DPY30: variants seen among roughly 807,000 people sequenced by gnomAD.
DPY30 encodes protein dpy-30 homolog.
Under a neutral mutation model 16.2 loss-of-function variants are expected in DPY30, and 6 were observed. That is an observed-to-expected ratio of 0.37 (90% CI 0.20 to 0.73). DPY30 has a LOEUF of 0.73. Among genes scored for constraint, DPY30 ranks in the 30% least tolerant of loss-of-function variants. DPY30 has a pLI of 0.51. For missense variants in DPY30, 73 were observed against 113.1 expected (o/e 0.65, Z 1.61); for synonymous variants, 39 against 38.8 (o/e 1.00, Z -0.02).
intron 3 of DPY30, among the ~76,000 whole-genome samples, chr2:32,036,607 C>T (rs1675749355): frequency 6.6e-6 from 1 of 150,446 alleles, no homozygotes; most frequent in South Asian, 2.1e-4. Flanking sequence ...GAAGGCGGAG[C>T]TTGCAGTGAG....
At chr2:32,027,222 C>CT (rs1675364741) in intron 4 of DPY30, among the ~76,000 whole-genome samples, 1 of 148,996 alleles carries the variant, frequency 6.7e-6, no homozygotes. Context: ...CTGCAGTGAC[C>CT]TGAGACTGTG....
downstream of DPY30, among the ~76,000 whole-genome samples, chr2:32,020,521 AAAGT>A (rs1293621884): frequency 6.6e-6 from 1 of 152,120 alleles, no homozygotes; most frequent in Non-Finnish European, 1.5e-5. Context: ...CTAAATAAAT[AAAGT>A]ATTAAAATTA....
In DPY30 at chr2:32,033,230, C is replaced by A. The variant is rs1315455361; in HGVS notation, c.85-3494G>T. Among the ~76,000 whole-genome samples, 11 of 151,854 alleles carry A rather than the reference C, an allele frequency of 7.2e-5. No homozygotes were observed. In the East Asian group the frequency reaches 2.1e-3, roughly 29 times the overall value. On this transcript the variant is annotated intron_variant, in intron 3 of 4. Transcript: ENST00000342166. ...GGCTGAGGCAGGAGAATTAATTGAA[C>A]CTGGGAGATGGAGGTTGCAGTGAGC...
chr2:32,019,880 ATATATG>A (rs1172620966), downstream of DPY30, among the ~76,000 whole-genome samples: 2 of 147,224 alleles, frequency 1.4e-5, no homozygotes, highest in African/African-American at 2.5e-5. Context: ...ATGTGTATAT[ATATATG>A]TATATGTGTG....
chr2:32,033,201 G>C (rs1227357737), intron 3 of DPY30, among the ~76,000 whole-genome samples: 2 of 151,278 alleles, frequency 1.3e-5, no homozygotes, highest in Non-Finnish European at 1.5e-5. Flanking sequence ...CCAGGCACTC[G>C]GGAGGCTGAG....
rs1675463623 is a variant in DPY30, at chr2:32,029,747, C to T, written c.85-11G>A. On this transcript the variant is annotated splice_polypyrimidine_tract_variant and intron_variant, in intron 3 of 4. Transcript: ENST00000342166. ...ATTTTCTACTATTCTCTAGTGAATT[C>T]AAAAAAACAGTGCATGAACATTTCA... is the stretch of plus-strand genomic sequence containing the variant. 3 of 1,610,578 alleles carry T rather than the reference C, an allele frequency of 1.9e-6. No homozygotes were observed. In the East Asian group the frequency reaches 6.7e-5, roughly 36 times the overall value.
At chr2:32,020,523 A>C (rs994840280), downstream of DPY30, among the ~76,000 whole-genome samples, 9 of 152,112 alleles carry the variant, frequency 5.9e-5, no homozygotes, top group African/African-American at 1.9e-4. Flanking sequence ...AAATAAATAA[A>C]GTATTAAAAT....
rs1477615432 is a variant in DPY30 at position 32,035,737 on chromosome 2, C to A, written c.84+3542G>T. 2.0e-5 allele frequency among the ~76,000 whole-genome samples: 3 copies of A among 151,520 alleles called. No homozygotes were observed. The East Asian group carries it at 5.8e-4, about 29-fold the overall frequency. On this transcript the variant is annotated intron_variant, in intron 3 of 4. Coordinates refer to ENST00000342166, the MANE Select transcript of DPY30 (RefSeq NM_001321209.2). ...TTACTTAAGGTCAGCAGTTTGAGAC[C>A]AGCCTGACAAACACTGTGAAACCCC...
At chr2:32,025,561 G>C (rs748388177) in intron 4 of DPY30, among the ~76,000 whole-genome samples, 4 of 150,668 alleles carry the variant, frequency 2.7e-5, no homozygotes, top group African/African-American at 4.9e-5. Context: ...AGGAGTTTGA[G>C]ACCAGCCTGG....
chr2:32,027,074 G>A (rs1415783704), intron 4 of DPY30, among the ~76,000 whole-genome samples: 3 of 150,908 alleles, frequency 2.0e-5, no homozygotes, highest in Non-Finnish European at 1.5e-5. Context: ...TCAGGAGTTA[G>A]AGACCAGCCT....
At chr2:32,012,332 T>C (rs1476277998) in intron 5 of DPY30, among the ~76,000 whole-genome samples, 1 of 151,520 alleles carries the variant, frequency 6.6e-6, no homozygotes, top group African/African-American at 2.4e-5. Context: ...TTACTCAAAT[T>C]TTACCCTCTC....
rs1572998504 is a variant in DPY30 at position 32,029,577 on chromosome 2, G to A, written c.227+17C>T. 2 of 1,609,838 alleles carry A rather than the reference G, an allele frequency of 1.2e-6. No individual in the cohort carries two copies. Among genetic ancestry groups the A allele is most frequent in the South Asian group, 1.1e-5 (1 of 90,696 alleles). ...TGCTTTCTTTACTAACTCCATTTGT[G>A]GACACAATTATCTTACCTTTCCTTT... On this transcript the variant is annotated intron_variant, in intron 4 of 4. Coordinates refer to ENST00000342166, the MANE Select transcript of DPY30 (RefSeq NM_001321209.2).
Position 32,031,179 on chromosome 2 carries a change from T to C in DPY30, c.85-1443A>G, listed in dbSNP as rs550264986. ...GGCTGACTCCTGTAAACCCAGCACT[T>C]TCGGAGGCCAAGGCACGCCGACCAT... On this transcript the variant is annotated intron_variant, in intron 3 of 4. Transcript: ENST00000342166. Among the ~76,000 whole-genome samples, 16 of 152,080 alleles carry C rather than the reference T, an allele frequency of 1.1e-4. No individual in the cohort carries two copies. In the East Asian group the frequency reaches 2.9e-3, roughly 28 times the overall value.
At position 32,039,461 on chromosome 2, in the gene DPY30, G is replaced by T; in HGVS notation, c.-5C>A. The stretch of plus-strand genomic sequence containing the variant: ...CAGCATCTGCTCTGGCTCCATGGCG[G>T]ACCCTGCAAGTCACAGTCCCCGGAT... On this transcript the variant is annotated 5_prime_UTR_variant, in exon 2 of 5. Coordinates refer to ENST00000342166, the MANE Select transcript of DPY30 (RefSeq NM_001321209.2). The T allele has an allele frequency of 1.9e-6, 3 of 1,614,046 alleles. No individual in the cohort carries two copies. The highest frequency in any genetic ancestry group is 2.5e-6 in the Non-Finnish European group (3 of 1,180,014).
intron 4 of DPY30, 42 bp from the exon 5 acceptor site, chr2:32,024,298 T>C: frequency 7.2e-7 from 1 of 1,394,300 alleles, no homozygotes; most frequent in Non-Finnish European, 1.0e-6. Flanking sequence ...ATATATTTCC[T>C]AGGTGTGTTA....
upstream of DPY30, chr2:32,039,810 G>T (rs1013206163): frequency 1.1e-5 from 4 of 348,830 alleles, no homozygotes; most frequent in Admixed American, 8.6e-5. Flanking sequence ...GGCCGTAAGT[G>T]ACGGCTGTCG....
chr2:32,039,627 A>G, intron 1 of DPY30, 106 bp downstream of exon 1: 1 of 753,114 alleles, frequency 1.3e-6, no homozygotes. Context: ...GTAGAGCAGC[A>G]GAGTGGGACA....
intron 3 of DPY30, among the ~76,000 whole-genome samples, chr2:32,035,913 ACAGAGCAAGACT>A (rs1276011736): frequency 1.3e-5 from 2 of 150,640 alleles, no homozygotes; most frequent in Non-Finnish European, 3.0e-5. Context: ...CAACCTGGCG[ACAGAGCAAGACT>A]CAGTCTCGAA....
rs35016868 is a variant in DPY30 at position 32,038,135 on chromosome 2, CTT to C, written c.84+1142_84+1143del. ...TTAACTTGTATTGCTCATTTTCTTT[CTT>C]TTTTTTTTTTTTTTTTTGGACAAAG... On this transcript the variant is annotated intron_variant, in intron 3 of 4. Coordinates refer to ENST00000342166, the MANE Select transcript of DPY30 (RefSeq NM_001321209.2). 8.6e-3 allele frequency among the ~76,000 whole-genome samples: 932 copies of C among 107,984 alleles called. 11 individuals carry two copies. The highest frequency in any genetic ancestry group is 0.029 in the African/African-American group (864 of 29,614). The allele number at this position is 107,984 out of a possible 152,430, so 70.8% of individuals were successfully genotyped here.
Sources: gnomAD v4.1 joint callset for allele counts (sites outside exome capture counted in the v4.1 genomes callset) on GRCh38, gnomAD v4.1.1 for gene constraint, MANE v1.5 for transcripts, NCBI Gene and HGNC (gene_info 2026-07-23, HGNC 2026-07-21) for gene names.